Variants in ROBO2 observed in about 807,000 individuals in gnomAD.
The protein encoded by ROBO2 is roundabout guidance receptor 2, also known as roundabout homolog 2.
ROBO2 carries 53 observed loss-of-function variants against 160.8 expected under a neutral mutation model. That is an observed-to-expected ratio of 0.33 (90% CI 0.26 to 0.41). The LOEUF (loss-of-function observed/expected upper bound fraction) is 0.41. Ranked by LOEUF, ROBO2 falls within the 10% of genes least tolerant of loss-of-function variation. The pLI, the probability that ROBO2 is intolerant of heterozygous loss-of-function variation, is 1.00. For missense variants in ROBO2, 1,577 were observed against 1,722.4 expected, an observed-to-expected ratio of 0.92 and a Z score of 1.49; for synonymous variants, 664 against 611.7, an observed-to-expected ratio of 1.09 and a Z score of -1.26.
At chr3:77,516,007 C>T (rs1178129401) in intron 5 of ROBO2, among the ~76,000 whole-genome samples, 4 of 151,258 alleles carry the variant, frequency 2.6e-5, no homozygotes, top group Non-Finnish European at 4.4e-5. Flanking sequence ...TATCTATTAT[C>T]ATAGAGGTAC....
chr3:76,872,426 T>C (rs1448816914), intron 2 of ROBO2, among the ~76,000 whole-genome samples: 2 of 152,156 alleles, frequency 1.3e-5, no homozygotes, highest in Non-Finnish European at 2.9e-5. Context: ...ATTATATTTT[T>C]ATCCATTTAA....
At chr3:76,709,622 T>A (rs1222992485) in intron 2 of ROBO2, among the ~76,000 whole-genome samples, 2 of 152,168 alleles carry the variant, frequency 1.3e-5, no homozygotes, top group Non-Finnish European at 1.5e-5. Flanking sequence ...AGTGGTTATT[T>A]AGTAGGAACT....
rs74707299 is a variant in ROBO2, at chr3:76,583,900, A to C, written c.110-514114A>C. On this transcript the variant is annotated intron_variant, in intron 2 of 26. Transcript: ENST00000487694. ...ATGCTTTTTCTCTATTATCATTGCG[A>C]TCCAATTATGAATTCAGCTAAAATC... is the stretch of plus-strand genomic sequence containing the variant. 5.4e-3 allele frequency among the ~76,000 whole-genome samples: 822 copies of C among 152,198 alleles called. 6 individuals are homozygous for C. Among genetic ancestry groups the C allele is most frequent in the African/African-American group, 0.018 (760 of 41,522 alleles).
At chr3:76,937,490 A>G (rs546010262) in intron 2 of ROBO2, among the ~76,000 whole-genome samples, 2 of 152,250 alleles carry the variant, frequency 1.3e-5, no homozygotes, top group East Asian at 1.9e-4. Flanking sequence ...TCACTTAAGT[A>G]TATTCTTTTT....
At chr3:76,818,336 G>T (rs1437557287) in intron 2 of ROBO2, among the ~76,000 whole-genome samples, 2 of 151,810 alleles carry the variant, frequency 1.3e-5, no homozygotes, top group Non-Finnish European at 2.9e-5. Context: ...TTTTTGATGG[G>T]ATTGTTTGTT....
chr3:77,012,562 A>T (rs2061985963), intron 2 of ROBO2, among the ~76,000 whole-genome samples: 1 of 152,192 alleles, frequency 6.6e-6, no homozygotes, highest in African/African-American at 2.4e-5. Context: ...TGGATAGATA[A>T]AAAATAAGAT....
intron 2 of ROBO2, among the ~76,000 whole-genome samples, chr3:76,808,748 G>A (rs566857901): frequency 9.9e-5 from 15 of 152,184 alleles, no homozygotes; most frequent in Middle Eastern, 3.4e-3. Flanking sequence ...GATGAGAGAC[G>A]TGTCTATTTG....
intron 2 of ROBO2, among the ~76,000 whole-genome samples, chr3:75,960,234 T>C (rs1226314176): frequency 1.3e-5 from 2 of 151,932 alleles, no homozygotes; most frequent in Middle Eastern, 3.4e-3. Flanking sequence ...CTGATGTCAG[T>C]AGTTTCACTG....
At chr3:77,239,512 G>T (rs774822035) in intron 2 of ROBO2, among the ~76,000 whole-genome samples, 6 of 152,198 alleles carry the variant, frequency 3.9e-5, no homozygotes, top group Non-Finnish European at 8.8e-5. Flanking sequence ...AGGGACCCCA[G>T]CGCCTTCCCA....
chr3:76,742,078 TAC>T lies in ROBO2; in HGVS notation c.110-355935_110-355934del, dbSNP rs528357691. On this transcript the variant is annotated intron_variant, in intron 2 of 26. Coordinates refer to the ROBO2 transcript ENST00000487694. ...TAAATGAGTGAAAAATTTCATTATA[TAC>T]GAAGATTTGAATACCTTCATGAGAG... 2.6e-5 allele frequency among the ~76,000 whole-genome samples: 4 copies of T among 152,226 alleles called. No homozygotes were observed. The South Asian group carries it at 8.3e-4, about 32-fold the overall frequency.
intron 2 of ROBO2, among the ~76,000 whole-genome samples, chr3:77,018,004 C>G (rs902878252): frequency 2.0e-5 from 3 of 152,158 alleles, no homozygotes; most frequent in Admixed American, 2.0e-4. Flanking sequence ...GAAAGCCTAT[C>G]CCAAATCTCG....
intron 2 of ROBO2, among the ~76,000 whole-genome samples, chr3:76,645,375 T>C (rs2090912976): frequency 6.6e-6 from 1 of 152,210 alleles, no homozygotes; most frequent in Admixed American, 6.5e-5. Context: ...ATATATGAAC[T>C]TAAGTTCTTA....
intron 2 of ROBO2, among the ~76,000 whole-genome samples, chr3:76,981,699 A>T (rs976973849): frequency 1.3e-5 from 2 of 152,158 alleles, no homozygotes; most frequent in African/African-American, 2.4e-5. Context: ...AAAAAGGTTT[A>T]ATTGGCTCAC....
At chr3:76,751,961 T>G (rs963712230) in intron 2 of ROBO2, among the ~76,000 whole-genome samples, 2 of 152,126 alleles carry the variant, frequency 1.3e-5, no homozygotes, top group African/African-American at 4.8e-5. Context: ...CAGATGTTTA[T>G]AAATCATACT....
chr3:76,082,591 A>G (rs1011812205), intron 2 of ROBO2, among the ~76,000 whole-genome samples: 2 of 152,146 alleles, frequency 1.3e-5, no homozygotes, highest in South Asian at 4.1e-4. Context: ...GGAGGGAGTG[A>G]CAAGCCTTTT....
intron 2 of ROBO2, among the ~76,000 whole-genome samples, chr3:77,192,547 T>G (rs6548487): frequency 0.58 from 87,918 of 151,856 alleles, 26,250 homozygotes; most frequent in African/African-American, 0.71. Flanking sequence ...ATTGTTTCAG[T>G]TATTTTCTAC....
At chr3:76,327,326 C>T (rs969216519) in intron 2 of ROBO2, among the ~76,000 whole-genome samples, 1 of 151,802 alleles carries the variant, frequency 6.6e-6, no homozygotes, top group Non-Finnish European at 1.5e-5. Context: ...TATATTTGTT[C>T]ATTAGCTATG....
chr3:76,521,439 A>T (rs559126302), intron 2 of ROBO2, among the ~76,000 whole-genome samples: 1 of 152,292 alleles, frequency 6.6e-6, no homozygotes, highest in East Asian at 1.9e-4. Context: ...ACCATTGACA[A>T]GGCCCAAGGA....
chr3:76,219,306 G>A (rs201525055), intron 2 of ROBO2, among the ~76,000 whole-genome samples: 6,219 of 152,150 alleles, frequency 0.041, 365 homozygotes, highest in East Asian at 0.22. Context: ...AATGGCAACA[G>A]AAGCCAAAAT....
Sources: gnomAD v4.1 joint callset for allele counts (sites outside exome capture counted in the v4.1 genomes callset) on GRCh38, gnomAD v4.1.1 for gene constraint, MANE v1.5 for transcripts, NCBI Gene and HGNC (gene_info 2026-07-23, HGNC 2026-07-21) for gene names.